VEPH1: variants seen among roughly 807,000 people sequenced by gnomAD.
The protein encoded by VEPH1 is ventricular zone expressed PH domain containing 1.
In VEPH1, 80 loss-of-function variants were observed where a neutral mutation model predicts 85.2. The observed-to-expected ratio is 0.94, with a 90% CI of 0.78 to 1.13. The LOEUF (loss-of-function observed/expected upper bound fraction) is 1.13. Ranked by LOEUF, VEPH1 falls within the 50% of genes most tolerant of loss-of-function variation. The probability of loss-of-function intolerance (pLI) is 0.00; values close to 1 mark genes in which losing one functional copy is unlikely to be tolerated. For synonymous variants in VEPH1, 297 were observed against 348.0 expected (o/e 0.85, Z 1.63); for missense variants, 955 against 980.5 (o/e 0.97, Z 0.35).
At chr3:157,470,622 G>A in intron 2 of VEPH1, 93 bp from the exon 3 acceptor site, 2 of 1,240,242 alleles carry the variant, frequency 1.6e-6, no homozygotes, top group African/African-American at 1.5e-5. Flanking sequence ...GAAAATGGGT[G>A]CACCAGGCTG....
rs752485331 is a variant in VEPH1 at position 157,437,922 on chromosome 3, G to A, written c.530-9434C>T. The A allele has an allele frequency of 1.2e-5, 19 of 1,528,652 alleles. No homozygotes were observed. The Middle Eastern group carries it at 1.2e-3, about 93-fold the overall frequency. 94.7% of individuals were successfully genotyped at this position (1,528,652 alleles called of 1,614,324 possible). ...GGAGCTGGCTGCCGGCAGGTAAGGAGGCAAGCGGGGCCGGGACCTCCCACT... is the reference window on the plus strand; with the variant it reads ...GGAGCTGGCTGCCGGCAGGTAAGGAAGCAAGCGGGGCCGGGACCTCCCACT... On this transcript the variant is annotated intron_variant, in intron 4 of 13. Transcript: ENST00000362010.
intron 4 of VEPH1, among the ~76,000 whole-genome samples, chr3:157,454,274 T>C (rs944560511): frequency 2.0e-5 from 3 of 152,080 alleles, no homozygotes; most frequent in Non-Finnish European, 2.9e-5. Context: ...CCAAAGGAAA[T>C]TGGAAATGAA....
intron 11 of VEPH1, among the ~76,000 whole-genome samples, chr3:157,303,641 A>T (rs781486572): frequency 1.3e-5 from 2 of 152,128 alleles, no homozygotes; most frequent in Non-Finnish European, 2.9e-5. Context: ...CTCTGCATCC[A>T]CATTCCACCT....
intron 9 of VEPH1, among the ~76,000 whole-genome samples, chr3:157,361,039 C>T (rs1442373382): frequency 6.6e-6 from 1 of 152,062 alleles, no homozygotes; most frequent in African/African-American, 2.4e-5. Context: ...CTATTGACTC[C>T]CTGTGTCAAA....
chr3:157,442,553 C>T (rs1231228813), intron 4 of VEPH1: 3 of 1,614,206 alleles, frequency 1.9e-6, no homozygotes, highest in South Asian at 2.2e-5. Flanking sequence ...AGCTGTATCT[C>T]AGCTACCAAT....
At position 157,465,066 on chromosome 3, in the gene VEPH1, C is replaced by T. The variant is rs547623236; in HGVS notation, c.355-4711G>A. ...GTCTCAGGAACCTGGGAGTGTACAT[C>T]CCAGTCCCCTCCCATTTCCTGCCAC... On this transcript the variant is annotated intron_variant, in intron 3 of 13. Transcript: ENST00000362010. Among the ~76,000 whole-genome samples the T allele has an allele frequency of 7.3e-4, 111 of 152,284 alleles. 1 individual carries two copies. In the South Asian group the frequency reaches 0.016, roughly 22 times the overall value.
intron 9 of VEPH1, among the ~76,000 whole-genome samples, chr3:157,356,471 A>G (rs1263817395): frequency 2.0e-5 from 3 of 152,268 alleles, no homozygotes; most frequent in African/African-American, 4.8e-5. Context: ...ATTGCTAACT[A>G]TGTAATTGCC....
At chr3:157,393,960 T>A (rs540372974) in intron 6 of VEPH1, among the ~76,000 whole-genome samples, 1 of 152,180 alleles carries the variant, frequency 6.6e-6, no homozygotes, top group Admixed American at 6.5e-5. Flanking sequence ...GCTGGTGGGT[T>A]TAGAGCCACT....
chr3:157,405,934 A>G (rs1731107336), intron 6 of VEPH1, among the ~76,000 whole-genome samples: 1 of 152,122 alleles, frequency 6.6e-6, no homozygotes, highest in African/African-American at 2.4e-5. Context: ...CAGCAGCTCC[A>G]CCCTATATCA....
At position 157,322,435 on chromosome 3, in the gene VEPH1, T is replaced by C. The variant is rs138548200; in HGVS notation, c.1736-5234A>G. 1.2e-4 allele frequency among the ~76,000 whole-genome samples: 18 copies of C among 152,332 alleles called. No homozygotes were observed. The East Asian group carries it at 2.3e-3, about 20-fold the overall frequency. The stretch of plus-strand genomic sequence containing the variant: ...TACTATGAACATGAGTATGGAAATA[T>C]CTCTTTGAGGCTCTGATTTAAATTC... On this transcript the variant is annotated intron_variant, in intron 9 of 13. Coordinates refer to ENST00000362010, the MANE Select transcript of VEPH1 (RefSeq NM_001167912.2).
intron 4 of VEPH1, among the ~76,000 whole-genome samples, chr3:157,431,994 C>G (rs1196522920): frequency 6.6e-6 from 1 of 151,832 alleles, no homozygotes; most frequent in Non-Finnish European, 1.5e-5. Context: ...ATTACAGGTG[C>G]CTGCCAACAC....
At position 157,290,029 on chromosome 3, in the gene VEPH1, TACACAA is replaced by T. The variant is rs1472922484; in HGVS notation, c.2011-3361_2011-3356del. On this transcript the variant is annotated intron_variant, in intron 11 of 13. Transcript: ENST00000362010. Reference sequence around the variant, plus strand: ...TAGGATATCAATTCCGTTGTTATTATACACAAACACACACACACACACACACACACA... The same window carrying T: ...TAGGATATCAATTCCGTTGTTATTATACACACACACACACACACACACACA... Among the ~76,000 whole-genome samples, 439 of 114,970 alleles carry T rather than the reference TACACAA, an allele frequency of 3.8e-3. 3 individuals are homozygous for T. The highest frequency in any genetic ancestry group is 0.011 in the African/African-American group (287 of 26,076). 75.4% of individuals were successfully genotyped at this position (114,970 alleles called of 152,430 possible).
At chr3:157,363,032 C>A (rs1202261349) in intron 9 of VEPH1, among the ~76,000 whole-genome samples, 2 of 152,034 alleles carry the variant, frequency 1.3e-5, no homozygotes, top group Non-Finnish European at 2.9e-5. Flanking sequence ...AGAACCCCTA[C>A]CCCAGAGCCG....
rs74419660 is a variant in VEPH1, at chr3:157,408,682, C to T, written c.906+5199G>A. Among the ~76,000 whole-genome samples the T allele has an allele frequency of 2.6e-3, 400 of 152,230 alleles. 4 individuals are homozygous for T. The highest frequency in any genetic ancestry group is 9.2e-3 in the African/African-American group (382 of 41,542). ...GGAAGTATAGACTGGGAGTGACTAA[C>T]TTTGCCTAAGGGGACTGGGAAGAAC... is the stretch of plus-strand genomic sequence containing the variant. On this transcript the variant is annotated intron_variant, in intron 6 of 13. Coordinates refer to ENST00000362010, the MANE Select transcript of VEPH1 (RefSeq NM_001167912.2).
chr3:157,266,419 TC>T (rs577025507), intron 12 of VEPH1, among the ~76,000 whole-genome samples: 138 of 152,246 alleles, frequency 9.1e-4, no homozygotes, highest in African/African-American at 3.2e-3. Flanking sequence ...AGGGTGGCTT[TC>T]CCCCATATGT....
chr3:157,485,138 T>C (rs1738502887), intron 2 of VEPH1, among the ~76,000 whole-genome samples: 1 of 152,222 alleles, frequency 6.6e-6, no homozygotes, highest in South Asian at 2.1e-4. Flanking sequence ...TTATATACCA[T>C]GATGCTATTC....
At chr3:157,393,369 G>A (rs191326047) in intron 6 of VEPH1, among the ~76,000 whole-genome samples, 63 of 152,296 alleles carry the variant, frequency 4.1e-4, no homozygotes, top group African/African-American at 1.5e-3. Context: ...ACTTCTTCAT[G>A]ATGTTGTGAG....
chr3:157,450,385 A>G (rs1027522174), intron 4 of VEPH1, among the ~76,000 whole-genome samples: 1 of 151,938 alleles, frequency 6.6e-6, no homozygotes, highest in African/African-American at 2.4e-5. Flanking sequence ...ATTGTAGACA[A>G]TTATCACATT....
At chr3:157,385,435 T>G (rs1173698531) in intron 6 of VEPH1, among the ~76,000 whole-genome samples, 1 of 152,158 alleles carries the variant, frequency 6.6e-6, no homozygotes, top group Non-Finnish European at 1.5e-5. Flanking sequence ...TGATCAAAGA[T>G]CCCAGAGTTT....
Sources: allele counts gnomAD v4.1 joint callset (sites outside exome capture counted in the v4.1 genomes callset), GRCh38; gene constraint gnomAD v4.1.1; transcripts MANE v1.5; gene names NCBI Gene and HGNC (gene_info 2026-07-23, HGNC 2026-07-21).